SOX5: variants seen among roughly 807,000 people sequenced by gnomAD.
SOX5 encodes transcription factor SOX-5.
A neutral mutation model predicts 92.0 loss-of-function variants in SOX5; 9 were observed. The ratio of observed to expected loss-of-function variants is 0.10; its 90% CI spans 0.06 to 0.17. The LOEUF is 0.17. Ranked by LOEUF, SOX5 falls within the 10% of genes least tolerant of loss-of-function variation. The pLI, the probability that SOX5 is intolerant of heterozygous loss-of-function variation, is 1.00. For synonymous variants in SOX5, 344 were observed against 336.3 expected (o/e 1.02, Z -0.25); for missense variants, 642 against 944.5 (o/e 0.68, Z 4.20).
intron 1 of SOX5, among the ~76,000 whole-genome samples, chr12:24,372,301 G>C (rs1316834330): frequency 1.3e-5 from 2 of 151,922 alleles, no homozygotes; most frequent in Non-Finnish European, 2.9e-5. Context: ...GCCCCCAACA[G>C]GCCCCAGTGT....
chr12:23,851,566 C>G (rs1402736673), intron 2 of SOX5, among the ~76,000 whole-genome samples: 3 of 151,984 alleles, frequency 2.0e-5, no homozygotes, highest in African/African-American at 7.2e-5. Context: ...AGACAGACCT[C>G]TGAAGAGTGT....
intron 1 of SOX5, among the ~76,000 whole-genome samples, chr12:24,432,833 T>A (rs1481022980): frequency 6.6e-6 from 1 of 152,058 alleles, no homozygotes; most frequent in Non-Finnish European, 1.5e-5. Context: ...GATATGCATG[T>A]TTTGTTAAAG....
chr12:24,255,135 C>T (rs1940923883), intron 3 of SOX5, among the ~76,000 whole-genome samples: 1 of 151,986 alleles, frequency 6.6e-6, no homozygotes, highest in Non-Finnish European at 1.5e-5. Context: ...TAGCATCTTC[C>T]CCAGTGAACC....
chr12:24,118,616 T>G (rs1473548), intron 4 of SOX5, among the ~76,000 whole-genome samples: 71,303 of 151,790 alleles, frequency 0.47, 17,211 homozygotes, highest in East Asian at 0.64. Flanking sequence ...CATCAGTAAT[T>G]GTAATTATTC....
At chr12:23,837,273 ATGTATT>A (rs1345984992) in intron 3 of SOX5, among the ~76,000 whole-genome samples, 5,433 of 64,076 alleles carry the variant, frequency 0.085, 314 homozygotes, top group East Asian at 0.14. Context: ...AATATATAAT[ATGTATT>A]TATATTTATA....
intron 4 of SOX5, among the ~76,000 whole-genome samples, chr12:24,074,655 C>CAAAAAAAAAAAAAAA (rs1942289662): frequency 1.6e-5 from 1 of 64,472 alleles, no homozygotes; most frequent in African/African-American, 5.0e-5. Flanking sequence ...AAAAAAAAAG[C>CAAAAAAAAAAAAAAA]TCAATATTCA....
chr12:24,418,348 G>T (rs771281573), intron 1 of SOX5, among the ~76,000 whole-genome samples: 2 of 152,198 alleles, frequency 1.3e-5, no homozygotes. Context: ...CCTTGCCAGT[G>T]ATTGGTTGTA....
intron 4 of SOX5, among the ~76,000 whole-genome samples, chr12:24,191,511 C>T (rs999515685): frequency 6.6e-6 from 1 of 152,160 alleles, no homozygotes; most frequent in African/African-American, 2.4e-5. Context: ...CCTTGTTCCC[C>T]GGACACCTGC....
At chr12:24,513,802 CA>C (rs980379782) in intron 1 of SOX5, among the ~76,000 whole-genome samples, 1 of 152,180 alleles carries the variant, frequency 6.6e-6, no homozygotes, top group African/African-American at 2.4e-5. Context: ...TTAAACTATA[CA>C]ATTTTAAGGA....
chr12:23,741,580 T>C (rs1191338945), intron 4 of SOX5, among the ~76,000 whole-genome samples: 2 of 152,004 alleles, frequency 1.3e-5, no homozygotes, highest in Admixed American at 6.6e-5. Flanking sequence ...ATTCTCCCTT[T>C]CTTAAAAAAA....
At chr12:24,133,905 ACT>A (rs1217028185) in intron 4 of SOX5, among the ~76,000 whole-genome samples, 1 of 152,150 alleles carries the variant, frequency 6.6e-6, no homozygotes, top group Non-Finnish European at 1.5e-5. Flanking sequence ...ATATTGGCAT[ACT>A]CTCTCTTTGC....
At chr12:24,114,512 G>A (rs1947748823) in intron 4 of SOX5, among the ~76,000 whole-genome samples, 2 of 127,392 alleles carry the variant, frequency 1.6e-5, no homozygotes, top group African/African-American at 5.9e-5. Flanking sequence ...GGAAGTGGAG[G>A]TTGCAGTGAG....
intron 4 of SOX5, among the ~76,000 whole-genome samples, chr12:24,133,851 T>C (rs985828087): frequency 6.6e-6 from 1 of 152,130 alleles, no homozygotes; most frequent in Non-Finnish European, 1.5e-5. Context: ...CAAATAGGGA[T>C]ATAATGATTA....
intron 4 of SOX5, among the ~76,000 whole-genome samples, chr12:24,093,615 T>C (rs1365597361): frequency 3.9e-5 from 6 of 151,950 alleles, no homozygotes; most frequent in African/African-American, 1.4e-4. Context: ...ATATTTTATA[T>C]TGATCTATAT....
chr12:23,674,583 C>G (rs2085359221), intron 6 of SOX5, among the ~76,000 whole-genome samples: 1 of 151,770 alleles, frequency 6.6e-6, no homozygotes. Flanking sequence ...GATGATCCAC[C>G]CTCCTTGGCC....
chr12:23,616,392 G>T (rs1209852422), intron 8 of SOX5, among the ~76,000 whole-genome samples: 5 of 152,198 alleles, frequency 3.3e-5, no homozygotes, highest in Non-Finnish European at 5.9e-5. Context: ...GACCATGGGG[G>T]AAAAGTGATT....
At chr12:24,084,901 A>C (rs1490541699) in intron 4 of SOX5, among the ~76,000 whole-genome samples, 1 of 152,142 alleles carries the variant, frequency 6.6e-6, no homozygotes, top group Non-Finnish European at 1.5e-5. Flanking sequence ...ATATAATAAC[A>C]ATGATGCTAA....
intron 4 of SOX5, among the ~76,000 whole-genome samples, chr12:24,008,447 G>T (rs908371330): frequency 6.6e-6 from 1 of 151,920 alleles, no homozygotes; most frequent in Admixed American, 6.6e-5. Flanking sequence ...TCAGTCAGTG[G>T]AATTCAATTA....
chr12:24,210,602 C>T (rs1958499088), intron 4 of SOX5, among the ~76,000 whole-genome samples: 1 of 152,086 alleles, frequency 6.6e-6, no homozygotes, highest in Non-Finnish European at 1.5e-5. Flanking sequence ...TTCAGCTGTG[C>T]CAAGTAACTA....
Sources: gnomAD v4.1 joint callset for allele counts (sites outside exome capture counted in the v4.1 genomes callset) on GRCh38, gnomAD v4.1.1 for gene constraint, MANE v1.5 for transcripts, NCBI Gene and HGNC (gene_info 2026-07-23, HGNC 2026-07-21) for gene names.